Variants in S100A13 observed in about 807,000 individuals in gnomAD.
The protein encoded by S100A13 is S100 calcium binding protein A13.
In S100A13, 6 loss-of-function variants were observed where a neutral mutation model predicts 8.2. That is an observed-to-expected ratio of 0.73 (90% confidence interval 0.40 to 1.44). The LOEUF (loss-of-function observed/expected upper bound fraction) is 1.44. S100A13 is among the 40% of genes most tolerant of loss of function. The probability of loss-of-function intolerance (pLI) is 0.02; values close to 1 mark genes in which losing one functional copy is unlikely to be tolerated. For missense variants in S100A13, 114 were observed against 113.6 expected (o/e 1.00, Z -0.02); for synonymous variants, 39 against 45.9 (o/e 0.85, Z 0.61).
At chr1:153,626,119 G>A (rs1229060999) in intron 2 of S100A13, among the ~76,000 whole-genome samples, 1 of 152,196 alleles carries the variant, frequency 6.6e-6, no homozygotes, top group East Asian at 1.9e-4. Flanking sequence ...AGTGAGCCAA[G>A]ATCACACCAC....
chr1:153,628,377 T>TG (rs755947934), upstream of S100A13: 17 of 1,543,338 alleles, frequency 1.1e-5, no homozygotes, highest in African/African-American at 1.4e-5. Flanking sequence ...GTGGAGTCGG[T>TG]GGGGGGGTCA....
At chr1:153,621,872 A>T (rs900733026) in intron 2 of S100A13, among the ~76,000 whole-genome samples, 11 of 143,240 alleles carry the variant, frequency 7.7e-5, no homozygotes, top group East Asian at 4.1e-4. Flanking sequence ...CAAAAAAATT[A>T]AAAAAAAAAA....
upstream of S100A13, chr1:153,630,389 G>A: frequency 8.1e-7 from 1 of 1,239,408 alleles, no homozygotes. Flanking sequence ...ATTGCAGTAG[G>A]GCTCTAATCC....
chr1:153,627,963 G>T, upstream of S100A13: 1 of 1,448,694 alleles, frequency 6.9e-7, no homozygotes, highest in Non-Finnish European at 9.3e-7. Context: ...ACACACAGAG[G>T]GGGATCCAGG....
chr1:153,626,953 G>A (rs1667682492), intron 1 of S100A13: 2 of 154,638 alleles, frequency 1.3e-5, no homozygotes, highest in Non-Finnish European at 2.9e-5. Context: ...AGACTCACAG[G>A]TCATAAGGTT....
upstream of S100A13, chr1:153,634,175 A>G (rs990218660): frequency 1.3e-5 from 2 of 152,820 alleles, no homozygotes; most frequent in Non-Finnish European, 2.9e-5. Context: ...TAGACAGCCA[A>G]CCAGCAACAA....
chr1:153,620,897 T>A (rs1480470680), intron 2 of S100A13, among the ~76,000 whole-genome samples: 1 of 151,936 alleles, frequency 6.6e-6, no homozygotes, highest in Non-Finnish European at 1.5e-5. Context: ...GAGACACCCA[T>A]CTCTACAAGA....
chr1:153,633,696 A>G (rs1019902073), upstream of S100A13, among the ~76,000 whole-genome samples: 5 of 152,196 alleles, frequency 3.3e-5, no homozygotes, highest in South Asian at 2.1e-4. Flanking sequence ...CCCAGGCCCA[A>G]TTGTCCGGAA....
chr1:153,624,308 T>A (rs1194571820), intron 2 of S100A13, among the ~76,000 whole-genome samples: 2 of 152,114 alleles, frequency 1.3e-5, no homozygotes, highest in East Asian at 1.9e-4. Flanking sequence ...AGATGTTGGA[T>A]GAATTGTCTG....
upstream of S100A13, chr1:153,630,445 C>T: frequency 6.3e-7 from 1 of 1,576,958 alleles, no homozygotes; most frequent in South Asian, 1.2e-5. Context: ...GAGGGTTCCC[C>T]TCACCTAGAC....
At chr1:153,633,534 A>C (rs928136691), upstream of S100A13, among the ~76,000 whole-genome samples, 4 of 152,170 alleles carry the variant, frequency 2.6e-5, no homozygotes, top group African/African-American at 4.8e-5. Flanking sequence ...AGTGAGGAGG[A>C]AAACATGGAC....
chr1:153,626,457 G>A lies in S100A13; in HGVS notation c.16C>T (p.Leu6=), dbSNP rs770595516. 7.4e-6 allele frequency: 12 copies of A among 1,614,092 alleles called. No homozygotes were observed. The highest frequency in any genetic ancestry group is 1.1e-5 in the South Asian group (1 of 91,090). MAAEP[L]TELEESIETV... is the part of the protein sequence containing the mutation. ...TCAATGGACTCCTCTAGCTCTGTCAGTGGTTCTGCTGCCATTAGGACCCTG... is the reference window on the plus strand; with the variant it reads ...TCAATGGACTCCTCTAGCTCTGTCAATGGTTCTGCTGCCATTAGGACCCTG... The change falls in exon 2 of 3, where the codon CTG becomes TTG. Residue 6 remains leucine (L), a synonymous_variant. Transcript: ENST00000476133.
chr1:153,621,529 T>C (rs1205960990), intron 2 of S100A13, among the ~76,000 whole-genome samples: 1 of 151,460 alleles, frequency 6.6e-6, no homozygotes, highest in Non-Finnish European at 1.5e-5. Flanking sequence ...TCCCAGAACT[T>C]TGGGAGGCCA....
At chr1:153,633,123 T>C (rs974434449), upstream of S100A13, 1 of 151,376 alleles carries the variant, frequency 6.6e-6, no homozygotes, top group African/African-American at 2.4e-5. Context: ...ATGGTACCAC[T>C]GCACTCCAGT....
chr1:153,632,628 T>C (rs1158182007), upstream of S100A13, among the ~76,000 whole-genome samples: 1 of 152,100 alleles, frequency 6.6e-6, no homozygotes, highest in Admixed American at 6.6e-5. Context: ...GTGTAAACAC[T>C]GTAGGAACTG....
upstream of S100A13, chr1:153,629,359 G>C (rs1667871936): frequency 6.6e-6 from 1 of 152,230 alleles, no homozygotes; most frequent in Non-Finnish European, 1.5e-5. Context: ...CCGGAGTTCA[G>C]ATGACACTCA....
In S100A13 at chr1:153,626,413, G is replaced by C. The variant is rs1363946193; in HGVS notation, c.60C>G (p.Phe20Leu). The change falls in exon 2 of 3, where the codon TTC (phenylalanine) becomes TTG (leucine). Residue 20 changes from phenylalanine (F) to leucine (L), a missense_variant. Physicochemically the swap from Phe to Leu is conservative, Grantham distance 22. Transcript: ENST00000476133. ...EESIETVVTTFFTFARQEGRK... is the reference protein window; with the variant it reads ...EESIETVVTTLFTFARQEGRK... Reference sequence around the variant, plus strand: ...GGCCCTCCTGCCTTGCAAAGGTGAAGAAGGTGGTGACCACGGTCTCAATGG... The same window carrying C: ...GGCCCTCCTGCCTTGCAAAGGTGAACAAGGTGGTGACCACGGTCTCAATGG... The C allele has an allele frequency of 6.2e-6, 10 of 1,614,114 alleles. No homozygotes were observed. The South Asian group carries it at 1.1e-4, about 18-fold the overall frequency.
upstream of S100A13, chr1:153,628,172 TA>T (rs748025610): frequency 6.7e-4 from 1,040 of 1,550,342 alleles, 1 homozygote; most frequent in Admixed American, 1.7e-3. Flanking sequence ...CAGCTTGGGG[TA>T]AGACATCCAG....
upstream of S100A13, chr1:153,631,960 C>T: frequency 1.7e-6 from 2 of 1,177,156 alleles, no homozygotes; most frequent in Non-Finnish European, 2.3e-6. Context: ...CCACCCCACC[C>T]CCACCCCCAC....
Sources: allele counts gnomAD v4.1 joint callset (sites outside exome capture counted in the v4.1 genomes callset), GRCh38; gene constraint gnomAD v4.1.1; transcripts MANE v1.5; gene names NCBI Gene and HGNC (gene_info 2026-07-23, HGNC 2026-07-21).